GALNTL6: variants seen among roughly 807,000 people sequenced by gnomAD.
GALNTL6 encodes polypeptide N-acetylgalactosaminyltransferase-like 6.
In GALNTL6, 46 loss-of-function variants were observed where a neutral mutation model predicts 73.7. The observed-to-expected ratio is 0.62, with a 90% CI of 0.49 to 0.80. The LOEUF is 0.80. Among genes scored for constraint, GALNTL6 ranks in the 30% least tolerant of loss-of-function variants. GALNTL6 has a pLI of 0.00. For missense variants in GALNTL6, 604 were observed against 755.0 expected, an observed-to-expected ratio of 0.80 and a Z score of 2.34; for synonymous variants, 259 against 263.7, an observed-to-expected ratio of 0.98 and a Z score of 0.17.
chr4:173,037,489 G>A (rs948392564), intron 12 of GALNTL6, among the ~76,000 whole-genome samples: 1 of 152,162 alleles, frequency 6.6e-6, no homozygotes, highest in Non-Finnish European at 1.5e-5. Context: ...CAGCCCAGGA[G>A]TACACCTGTA....
chr4:172,188,167 G>T (rs1407149465), intron 2 of GALNTL6, among the ~76,000 whole-genome samples: 1 of 152,128 alleles, frequency 6.6e-6, no homozygotes, highest in Non-Finnish European at 1.5e-5. Context: ...AGAAATTGAT[G>T]ATATAAAGAA....
At chr4:172,690,975 G>T (rs1015998435) in intron 5 of GALNTL6, among the ~76,000 whole-genome samples, 2 of 152,206 alleles carry the variant, frequency 1.3e-5, no homozygotes, top group Non-Finnish European at 2.9e-5. Context: ...GAGATCAAAG[G>T]CACGCTCAGA....
intron 10 of GALNTL6, among the ~76,000 whole-genome samples, chr4:172,988,715 C>A (rs1017265611): frequency 2.0e-5 from 3 of 152,250 alleles, no homozygotes; most frequent in African/African-American, 7.2e-5. Flanking sequence ...CTTGTGCAAT[C>A]TTGAGACACT....
intron 2 of GALNTL6, among the ~76,000 whole-genome samples, chr4:171,904,514 C>G (rs1737211210): frequency 6.6e-6 from 1 of 152,208 alleles, no homozygotes; most frequent in Non-Finnish European, 1.5e-5. Context: ...AAATCTGCGT[C>G]TGATTGGTGT....
intron 12 of GALNTL6, among the ~76,000 whole-genome samples, chr4:173,038,607 G>A (rs1225947446): frequency 6.6e-6 from 1 of 152,194 alleles, no homozygotes; most frequent in Non-Finnish European, 1.5e-5. Context: ...GAGCAGAAGA[G>A]AATAGCAAGC....
At chr4:172,668,435 C>T (rs1187989376) in intron 5 of GALNTL6, 1 of 151,972 alleles carries the variant, frequency 6.6e-6, no homozygotes, top group Admixed American at 6.6e-5. Context: ...ACCGGGAGTC[C>T]TAGAAAGAGG....
chr4:172,921,140 C>A (rs993935181), intron 8 of GALNTL6, among the ~76,000 whole-genome samples: 1 of 151,990 alleles, frequency 6.6e-6, no homozygotes, highest in African/African-American at 2.4e-5. Context: ...GAAAAGAAGC[C>A]AGAATAGCTT....
At chr4:172,019,666 T>C (rs1000689233) in intron 2 of GALNTL6, among the ~76,000 whole-genome samples, 2 of 152,106 alleles carry the variant, frequency 1.3e-5, no homozygotes, top group East Asian at 3.9e-4. Context: ...CCCAGATATA[T>C]GAAGCAAATA....
At chr4:172,893,383 G>GAT (rs1434089349) in intron 8 of GALNTL6, among the ~76,000 whole-genome samples, 1 of 149,666 alleles carries the variant, frequency 6.7e-6, no homozygotes, top group Admixed American at 6.7e-5. Context: ...TCAAGCCAAA[G>GAT]ATCTCAGCTC....
chr4:172,281,773 T>C (rs1739068599), intron 3 of GALNTL6, among the ~76,000 whole-genome samples: 1 of 152,076 alleles, frequency 6.6e-6, no homozygotes, highest in Admixed American at 6.6e-5. Context: ...TTCAGAATAA[T>C]CTCATCTCAA....
At chr4:172,918,829 G>T (rs115194062) in intron 8 of GALNTL6, among the ~76,000 whole-genome samples, 1 of 152,180 alleles carries the variant, frequency 6.6e-6, no homozygotes, top group African/African-American at 2.4e-5. Flanking sequence ...ATGGTGGAAA[G>T]CTGCCCAACT....
intron 3 of GALNTL6, among the ~76,000 whole-genome samples, chr4:172,307,418 G>A (rs1740180316): frequency 6.6e-6 from 1 of 152,126 alleles, no homozygotes; most frequent in Non-Finnish European, 1.5e-5. Flanking sequence ...TCTTGGTCAT[G>A]AAGTCTTTGC....
At chr4:172,664,624 AG>A (rs1413345572) in intron 5 of GALNTL6, among the ~76,000 whole-genome samples, 1 of 152,204 alleles carries the variant, frequency 6.6e-6, no homozygotes, top group Non-Finnish European at 1.5e-5. Flanking sequence ...TAGGTGTGAC[AG>A]TCATACCTAG....
intron 2 of GALNTL6, among the ~76,000 whole-genome samples, chr4:172,062,566 G>A (rs574314058): frequency 6.6e-6 from 1 of 152,326 alleles, no homozygotes; most frequent in South Asian, 2.1e-4. Context: ...AAGGTTGGTC[G>A]TGAATTAAAG....
At chr4:172,680,499 T>A (rs932481022) in intron 5 of GALNTL6, among the ~76,000 whole-genome samples, 1 of 152,082 alleles carries the variant, frequency 6.6e-6, no homozygotes, top group Non-Finnish European at 1.5e-5. Flanking sequence ...AATTAAGAGA[T>A]CTAAATTATA....
chr4:172,945,362 TG>T (rs1749115766), intron 9 of GALNTL6, among the ~76,000 whole-genome samples: 1 of 152,230 alleles, frequency 6.6e-6, no homozygotes, highest in African/African-American at 2.4e-5. Context: ...ATAGTGTTGA[TG>T]ATTCCACTAA....
intron 7 of GALNTL6, among the ~76,000 whole-genome samples, chr4:172,842,991 C>T (rs1743298667): frequency 6.6e-6 from 1 of 152,098 alleles, no homozygotes; most frequent in African/African-American, 2.4e-5. Flanking sequence ...AATGCACTCA[C>T]TCTTTGTCTC....
chr4:172,230,099 G>A (rs1470956384), intron 3 of GALNTL6, among the ~76,000 whole-genome samples: 4 of 152,084 alleles, frequency 2.6e-5, no homozygotes, highest in Admixed American at 6.6e-5. Context: ...GAGCAAGATT[G>A]ACTCCTTAGA....
intron 2 of GALNTL6, among the ~76,000 whole-genome samples, chr4:172,105,116 A>C (rs1732640310): frequency 6.6e-6 from 1 of 152,168 alleles, no homozygotes; most frequent in Admixed American, 6.5e-5. Context: ...AAAGAAACCT[A>C]ATGTGAATGT....
Sources: gnomAD v4.1 joint callset for allele counts (sites outside exome capture counted in the v4.1 genomes callset) on GRCh38, gnomAD v4.1.1 for gene constraint, MANE v1.5 for transcripts, NCBI Gene and HGNC (gene_info 2026-07-23, HGNC 2026-07-21) for gene names.